The following OSBP2 variants were observed in gnomAD, a reference collection of about 807,000 sequenced individuals.
The protein encoded by OSBP2 is oxysterol-binding protein 2.
Under a neutral mutation model 96.0 loss-of-function variants are expected in OSBP2, and 66 were observed. The ratio of observed to expected loss-of-function variants is 0.69; its 90% CI spans 0.56 to 0.84. The LOEUF (loss-of-function observed/expected upper bound fraction) is 0.84, where lower values mean the gene tolerates loss of function less well. OSBP2 is among the 40% of genes least tolerant of loss of function. The pLI is 0.00. For synonymous variants in OSBP2, 525 were observed against 520.9 expected (o/e 1.01, Z -0.11); for missense variants, 1,038 against 1,222.7 (o/e 0.85, Z 2.25).
rs140651917 is a variant in OSBP2, at chr22:30,738,033, A to G, written c.645-3128A>G. Among the ~76,000 whole-genome samples the G allele has an allele frequency of 1.3e-4, 19 of 150,626 alleles. No homozygotes were observed. The East Asian group carries it at 3.5e-3, about 28-fold the overall frequency. ...GGCTGAGACTCTAAATCCTTAACGT[A>G]GCCTACAAGGTACTGAATTTAGTCC... On this transcript the variant is annotated intron_variant, in intron 1 of 13. Coordinates refer to ENST00000332585, the MANE Select transcript of OSBP2 (RefSeq NM_030758.4).
chr22:30,748,367 G>A (rs1427643566), intron 2 of OSBP2, among the ~76,000 whole-genome samples: 2 of 151,980 alleles, frequency 1.3e-5, no homozygotes, highest in Non-Finnish European at 2.9e-5. Flanking sequence ...CACTGCACCT[G>A]GCCTAAACTA....
At chr22:30,727,718 T>C (rs1433247528) in intron 1 of OSBP2, among the ~76,000 whole-genome samples, 1 of 152,160 alleles carries the variant, frequency 6.6e-6, no homozygotes, top group African/African-American at 2.4e-5. Flanking sequence ...AAGTCTAATA[T>C]GCGTAGAGAA....
chr22:30,742,389 A>T (rs985688774), intron 2 of OSBP2, among the ~76,000 whole-genome samples: 1 of 151,264 alleles, frequency 6.6e-6, no homozygotes, highest in South Asian at 2.1e-4. Flanking sequence ...CCAAGATTGC[A>T]CCAGGGTGAG....
intron 2 of OSBP2, chr22:30,822,668 G>A (rs942490620): frequency 4.6e-6 from 7 of 1,533,660 alleles, no homozygotes; most frequent in African/African-American, 2.7e-5. Flanking sequence ...GCCTCCGTGC[G>A]CTCCTTCTGC....
At chr22:30,891,839 T>C (rs910742154) in intron 8 of OSBP2, among the ~76,000 whole-genome samples, 1 of 152,072 alleles carries the variant, frequency 6.6e-6, no homozygotes, top group Non-Finnish European at 1.5e-5. Flanking sequence ...TGCTCAGACA[T>C]GGAGGTTTCA....
In OSBP2 at chr22:30,742,363, C is replaced by T. The variant is rs375101815; in HGVS notation, c.853+994C>T. On this transcript the variant is annotated intron_variant, in intron 2 of 13. Transcript: ENST00000332585. ...AGGAGAATCACTTGAACCCAGGAGG[C>T]GGAGGTTGCAGTGAGCCAAGATTGC... is the stretch of plus-strand genomic sequence containing the variant. Among the ~76,000 whole-genome samples the T allele has an allele frequency of 2.5e-4, 37 of 150,536 alleles. No homozygotes were observed. In the East Asian group the frequency reaches 7.4e-3, roughly 30 times the overall value.
chr22:30,874,761 T>C (rs1214970553), intron 3 of OSBP2, among the ~76,000 whole-genome samples: 2 of 152,240 alleles, frequency 1.3e-5, no homozygotes, highest in East Asian at 3.8e-4. Context: ...ACCAGTGCTG[T>C]ACCTTCTAGA....
intron 1 of OSBP2, among the ~76,000 whole-genome samples, chr22:30,725,790 CTT>C (rs136374): frequency 4.9e-5 from 7 of 142,170 alleles, no homozygotes; most frequent in Admixed American, 7.1e-5. Flanking sequence ...TCAAAAGAGT[CTT>C]TTTTTTTTTT....
At chr22:30,836,618 T>G (rs749247701) in intron 2 of OSBP2, among the ~76,000 whole-genome samples, 1 of 152,194 alleles carries the variant, frequency 6.6e-6, no homozygotes, top group African/African-American at 2.4e-5. Flanking sequence ...TCAAAGGTAT[T>G]TACCACTAAG....
At chr22:30,780,022 C>T (rs117634289) in intron 2 of OSBP2, among the ~76,000 whole-genome samples, 2 of 152,354 alleles carry the variant, frequency 1.3e-5, no homozygotes, top group Non-Finnish European at 2.9e-5. Context: ...GTGTGCCAGA[C>T]AGATTCTCAT....
chr22:30,893,413 C>T (rs1272464883), intron 9 of OSBP2, 50 bp from the exon 10 acceptor site: 2 of 1,568,002 alleles, frequency 1.3e-6, no homozygotes, highest in African/African-American at 2.7e-5. Flanking sequence ...GCAGACTGGC[C>T]AGAGCCCTGC....
chr22:30,739,475 C>CT (rs544245265), intron 1 of OSBP2, among the ~76,000 whole-genome samples: 167 of 151,988 alleles, frequency 1.1e-3, no homozygotes, highest in Middle Eastern at 0.01. Context: ...CTCTGTAGTT[C>CT]TTTTTTTTGT....
intron 2 of OSBP2, among the ~76,000 whole-genome samples, chr22:30,778,303 G>GCACACACA (rs34574171): frequency 0.043 from 6,287 of 146,568 alleles, 165 homozygotes; most frequent in Middle Eastern, 0.083. Context: ...GTGTGCATGT[G>GCACACACA]CACACACACA....
chr22:30,894,044 G>A, intron 12 of OSBP2, 43 bp downstream of exon 12: 1 of 1,540,918 alleles, frequency 6.5e-7, no homozygotes, highest in Non-Finnish European at 8.8e-7. Context: ...CAAAGGAGAG[G>A]GAAGGAGGAC....
intron 2 of OSBP2, among the ~76,000 whole-genome samples, chr22:30,838,950 A>G (rs986072448): frequency 2.9e-4 from 43 of 149,838 alleles, no homozygotes; most frequent in Non-Finnish European, 4.9e-4. Context: ...CTCATCATTT[A>G]GCATTAGGAG....
In OSBP2 at chr22:30,848,333, T is replaced by TTA. The variant is rs1413557814; in HGVS notation, c.854-22088_854-22087dup. Among the ~76,000 whole-genome samples, 4 of 152,192 alleles carry TTA rather than the reference T, an allele frequency of 2.6e-5. No individual in the cohort carries two copies. In the East Asian group the frequency reaches 7.7e-4, roughly 29 times the overall value. ...TTGCAAACAGTTTTGAAATGTACAT[T>TTA]TATATATATCAATATTTGGTCATAT... On this transcript the variant is annotated intron_variant, in intron 2 of 13. Coordinates refer to ENST00000332585, the MANE Select transcript of OSBP2 (RefSeq NM_030758.4).
intron 2 of OSBP2, among the ~76,000 whole-genome samples, chr22:30,862,696 A>G (rs768249320): frequency 2.5e-4 from 38 of 151,792 alleles, no homozygotes; most frequent in East Asian, 1.6e-3. Flanking sequence ...AAAAAAGGCT[A>G]GGCGCGGTGG....
chr22:30,783,301 G>GGTT (rs2090544817), intron 2 of OSBP2, among the ~76,000 whole-genome samples: 1 of 67,076 alleles, frequency 1.5e-5, no homozygotes, highest in African/African-American at 8.0e-5. Context: ...CATTCAGAGA[G>GGTT]CTTTTTTTTT....
chr22:30,809,744 A>T (rs1046986192), intron 2 of OSBP2, among the ~76,000 whole-genome samples: 1 of 152,192 alleles, frequency 6.6e-6, no homozygotes, highest in Non-Finnish European at 1.5e-5. Flanking sequence ...GTCATGGAAG[A>T]TGGATCTGAA....
Sources: allele counts gnomAD v4.1 joint callset (sites outside exome capture counted in the v4.1 genomes callset), GRCh38; gene constraint gnomAD v4.1.1; transcripts MANE v1.5; gene names NCBI Gene and HGNC (gene_info 2026-07-23, HGNC 2026-07-21).